TENM1: variants seen among roughly 807,000 people sequenced by gnomAD.
TENM1 encodes teneurin-1.
Under a neutral mutation model 174.8 loss-of-function variants are expected in TENM1, and 35 were observed. That is an observed-to-expected ratio of 0.20 (90% CI 0.15 to 0.27). The LOEUF (loss-of-function observed/expected upper bound fraction) is 0.27. Ranked by LOEUF, TENM1 falls within the 10% of genes least tolerant of loss-of-function variation. TENM1 has a pLI of 1.00. For synonymous variants in TENM1, 781 were observed against 798.7 expected, an observed-to-expected ratio of 0.98 and a Z score of 0.37; for missense variants, 1,633 against 2,130.1, an observed-to-expected ratio of 0.77 and a Z score of 4.59.
chrX:125,042,495 T>C, the TENM1 span, among the ~76,000 whole-genome samples: 1 of 111,269 alleles, frequency 9.0e-6, no homozygotes, highest in African/African-American at 3.3e-5. Flanking sequence ...CACCAAAACT[T>C]ATCTTCCCCT....
At chrX:125,158,510 T>A in the TENM1 span, among the ~76,000 whole-genome samples, 4 of 108,855 alleles carry the variant, frequency 3.7e-5, no homozygotes, top group Non-Finnish European at 7.6e-5. Context: ...GGAGCAGAGA[T>A]ACAGGGTCAT....
At chrX:125,045,435 C>T in the TENM1 span, among the ~76,000 whole-genome samples, 1 of 111,672 alleles carries the variant, frequency 9.0e-6, no homozygotes, top group African/African-American at 3.2e-5. Context: ...ATAGTGGTCT[C>T]TGCTTTTATT....
chrX:124,794,345 A>G (rs1433840434), intron 3 of TENM1, among the ~76,000 whole-genome samples: 4 of 111,630 alleles, frequency 3.6e-5, no homozygotes, highest in African/African-American at 6.5e-5. Flanking sequence ...TACCTAAAAC[A>G]TAATTCTTGA....
the TENM1 span, among the ~76,000 whole-genome samples, chrX:125,006,839 G>T: frequency 4.5e-5 from 5 of 111,059 alleles, no homozygotes; most frequent in African/African-American, 6.6e-5. Context: ...CAACACAAAA[G>T]AACCTCCCCC....
chrX:124,443,044 ATGTGTGTGTGTGTGTGTGTG>A (rs59365041), intron 23 of TENM1, among the ~76,000 whole-genome samples: 24 of 51,953 alleles, frequency 4.6e-4, no homozygotes, highest in South Asian at 1.2e-3. Context: ...CTGGATGACT[ATGTGTGTGTGTGTGTGTGTG>A]TGTGTGTGTG....
the TENM1 span, among the ~76,000 whole-genome samples, chrX:125,076,688 T>C: frequency 8.9e-6 from 1 of 111,779 alleles, no homozygotes; most frequent in South Asian, 3.7e-4. Flanking sequence ...TCTCTATATG[T>C]TTACTAGACG....
intron 3 of TENM1, among the ~76,000 whole-genome samples, chrX:124,890,931 C>T (rs1056592350): frequency 2.7e-5 from 3 of 111,579 alleles, no homozygotes; most frequent in Non-Finnish European, 3.8e-5. Flanking sequence ...ATAAAGAAAA[C>T]GTAGTACATA....
the TENM1 span, among the ~76,000 whole-genome samples, chrX:125,152,808 G>C: frequency 8.9e-6 from 1 of 112,075 alleles, no homozygotes; most frequent in African/African-American, 3.2e-5. Context: ...AGGAAGACAG[G>C]ACAATTAAAT....
At chrX:124,492,499 CTT>C (rs1289513715) in intron 20 of TENM1, among the ~76,000 whole-genome samples, 1 of 101,486 alleles carries the variant, frequency 9.9e-6, no homozygotes, top group African/African-American at 3.6e-5. Context: ...AGGATAGATG[CTT>C]TTTTTTTTTT....
intron 1 of TENM1, among the ~76,000 whole-genome samples, chrX:124,923,420 C>G (rs2058050389): frequency 1.8e-5 from 2 of 111,650 alleles, no homozygotes; most frequent in Admixed American, 9.5e-5. Context: ...GTGGTTTTGT[C>G]TGGGAATAAA....
At chrX:124,645,578 C>T (rs1188110382) in intron 9 of TENM1, among the ~76,000 whole-genome samples, 2 of 111,568 alleles carry the variant, frequency 1.8e-5, no homozygotes, top group African/African-American at 6.5e-5. Context: ...TTGATCTCAC[C>T]CTACTCTTAA....
At chrX:124,439,991 A>G (rs1342602873) in intron 23 of TENM1, among the ~76,000 whole-genome samples, 1 of 111,165 alleles carries the variant, frequency 9.0e-6, no homozygotes, top group Non-Finnish European at 1.9e-5. Context: ...AAACCCAGGC[A>G]GTCTGTATTC....
chrX:125,043,547 C>T, the TENM1 span, among the ~76,000 whole-genome samples: 1 of 16,914 alleles, frequency 5.9e-5, no homozygotes, highest in African/African-American at 2.5e-4. Context: ...GAAATAGGAA[C>T]ACTTTTACAC....
intron 1 of TENM1, among the ~76,000 whole-genome samples, chrX:124,931,258 C>CAAAAAAAAAAAAAAA (rs548457755): frequency 1.3e-5 from 1 of 74,202 alleles, no homozygotes; most frequent in Non-Finnish European, 2.8e-5. Context: ...AACACAAAAG[C>CAAAAAAAAAAAAAAA]AAAAAAAAAA....
chrX:124,847,836 C>A, intron 3 of TENM1, among the ~76,000 whole-genome samples: 1 of 111,312 alleles, frequency 9.0e-6, no homozygotes, highest in Non-Finnish European at 1.9e-5. Flanking sequence ...CCATGCAGCT[C>A]CAGCAGTGGC....
At chrX:124,754,973 G>A (rs1370096936) in intron 3 of TENM1, among the ~76,000 whole-genome samples, 1 of 104,153 alleles carries the variant, frequency 9.6e-6, no homozygotes, top group African/African-American at 3.8e-5. Context: ...TGTTGATTTG[G>A]GGTGGAGAGT....
intron 12 of TENM1, 58 bp from the exon 16 acceptor site, chrX:124,563,830 A>G (rs1390914897): frequency 4.8e-6 from 5 of 1,039,496 alleles, no homozygotes; most frequent in African/African-American, 3.7e-5. Context: ...AAGCTATACA[A>G]TATGTACTAA....
chrX:124,865,837 C>CA (rs1491329538), intron 3 of TENM1, among the ~76,000 whole-genome samples: 18 of 109,545 alleles, frequency 1.6e-4, no homozygotes, highest in Non-Finnish European at 3.1e-4. Flanking sequence ...CAATGAAAAC[C>CA]AAAAAAAAGA....
chrX:124,518,692 T>C (rs1332565424), intron 18 of TENM1, among the ~76,000 whole-genome samples: 3 of 112,192 alleles, frequency 2.7e-5, no homozygotes, highest in Non-Finnish European at 5.6e-5. Context: ...ATAATCTTTA[T>C]GATATTCACT....
Sources: gnomAD v4.1 joint callset for allele counts (sites outside exome capture counted in the v4.1 genomes callset) on GRCh38, gnomAD v4.1.1 for gene constraint, MANE v1.5 for transcripts, NCBI Gene and HGNC (gene_info 2026-07-23, HGNC 2026-07-21) for gene names.